Variants in GAD1 observed in about 807,000 individuals in gnomAD.
GAD1 encodes 67 kDa glutamic acid decarboxylase.
A neutral mutation model predicts 75.2 loss-of-function variants in GAD1; 35 were observed. The ratio of observed to expected loss-of-function variants is 0.47; its 90% CI spans 0.36 to 0.62. The LOEUF is 0.62. Ranked by LOEUF, GAD1 falls within the 20% of genes least tolerant of loss-of-function variation. The probability of loss-of-function intolerance (pLI) is 0.00; values close to 1 mark genes in which losing one functional copy is unlikely to be tolerated. For missense variants in GAD1, 490 were observed against 758.5 expected (o/e 0.65, Z 4.16); for synonymous variants, 257 against 271.9 (o/e 0.95, Z 0.54).
At chr2:170,828,950 C>T in intron 3 of GAD1, 1 of 227,238 alleles carries the variant, frequency 4.4e-6, no homozygotes, top group East Asian at 1.2e-4. Flanking sequence ...CTGTCCTCAC[C>T]TCTCCTCCCT....
chr2:170,823,927 G>T (rs1407311629), intron 3 of GAD1, among the ~76,000 whole-genome samples: 1 of 152,218 alleles, frequency 6.6e-6, no homozygotes, highest in African/African-American at 2.4e-5. Flanking sequence ...TCTGGCTGCA[G>T]GCGCTCCACT....
intron 14 of GAD1, among the ~76,000 whole-genome samples, chr2:170,855,940 T>C (rs1312563436): frequency 6.8e-6 from 1 of 146,962 alleles, no homozygotes; most frequent in African/African-American, 2.6e-5. Flanking sequence ...CATTTTGAAA[T>C]ATAATGACCA....
At chr2:170,837,523 T>C (rs181504308) in intron 6 of GAD1, among the ~76,000 whole-genome samples, 4 of 152,358 alleles carry the variant, frequency 2.6e-5, no homozygotes, top group Admixed American at 6.5e-5. Context: ...GGTAGTCTTA[T>C]AGCAATCATC....
At chr2:170,842,498 G>A in intron 6 of GAD1, 1 of 1,323,076 alleles carries the variant, frequency 7.6e-7, no homozygotes, top group South Asian at 1.2e-5. Context: ...AGCCCATCAT[G>A]AGTTTGCCTC....
At chr2:170,858,556 T>G (rs41464547) in intron 15 of GAD1, among the ~76,000 whole-genome samples, 4,891 of 152,300 alleles carry the variant, frequency 0.032, 104 homozygotes, top group East Asian at 0.074. Context: ...TTTGTAACAT[T>G]TCAATGTTTA....
chr2:170,826,293 G>A lies in GAD1; in HGVS notation c.146-3182G>A, dbSNP rs180749139. ...TTAAAGCCGTGTCGTAGGGCCGGGC[G>A]CAGTGGCTCGCACCTGTAATCCCAG... On this transcript the variant is annotated intron_variant, in intron 3 of 16. Transcript: ENST00000358196. Among the ~76,000 whole-genome samples the A allele has an allele frequency of 2.4e-3, 364 of 152,184 alleles. 1 individual carries two copies. The highest frequency in any genetic ancestry group is 5.8e-3 in the African/African-American group (241 of 41,530).
intron 12 of GAD1, among the ~76,000 whole-genome samples, chr2:170,851,585 C>T (rs1702744206): frequency 6.6e-6 from 1 of 152,186 alleles, no homozygotes. Flanking sequence ...AAGGGTTTAG[C>T]TCTAGGGAGA....
At chr2:170,843,781 A>T in intron 6 of GAD1, 1 of 471,980 alleles carries the variant, frequency 2.1e-6, no homozygotes, top group Non-Finnish European at 3.9e-6. Context: ...CATGCCTAAG[A>T]CATTCCATTC....
At chr2:170,854,965 T>G (rs1486493547) in intron 14 of GAD1, among the ~76,000 whole-genome samples, 3 of 152,230 alleles carry the variant, frequency 2.0e-5, no homozygotes, top group Non-Finnish European at 2.9e-5. Context: ...GATTACCATT[T>G]GATTATTTGT....
chr2:170,858,322 G>T (rs1307363449), intron 15 of GAD1, among the ~76,000 whole-genome samples: 1 of 151,798 alleles, frequency 6.6e-6, no homozygotes, highest in South Asian at 2.1e-4. Flanking sequence ...CAGTCTTTTG[G>T]TTTTTTTTAG....
intron 14 of GAD1, among the ~76,000 whole-genome samples, chr2:170,856,208 C>T (rs1037709616): frequency 6.6e-6 from 1 of 152,224 alleles, no homozygotes; most frequent in African/African-American, 2.4e-5. Context: ...TCCTTGTTAA[C>T]ACCGACCCAC....
At chr2:170,819,285 C>G (rs965753239) in intron 2 of GAD1, among the ~76,000 whole-genome samples, 2 of 98,514 alleles carry the variant, frequency 2.0e-5, no homozygotes, top group Admixed American at 2.7e-4. Context: ...TTAATTACAT[C>G]TCAGAGAAAT....
chr2:170,836,838 T>C lies in GAD1; in HGVS notation c.593T>C (p.Ile198Thr). The C allele has an allele frequency of 1.2e-6, 2 of 1,614,110 alleles. No individual in the cohort carries two copies. Among genetic ancestry groups the C allele is most frequent in the South Asian group, 1.1e-5 (1 of 91,066 alleles). ...CAGCTCTCCACTGGATTGGATATTA[T>C]TGGCCTAGCTGGAGAATGGCTGACA... ...FNQLSTGLDI[I>T]GLAGEWLTST... is the part of the protein sequence containing the mutation. Residue 198 changes from isoleucine to threonine, a missense_variant, in exon 6 of 17, where the codon ATT becomes ACT. Transcript: ENST00000358196.
At chr2:170,852,942 C>G in intron 13 of GAD1, 150 bp downstream of exon 13, 2 of 728,782 alleles carry the variant, frequency 2.7e-6, no homozygotes, top group Non-Finnish European at 5.0e-6. Context: ...CTTTCCTGCC[C>G]TTGCAGCTAA....
intron 2 of GAD1, among the ~76,000 whole-genome samples, chr2:170,819,990 A>G (rs569763781): frequency 2.0e-5 from 3 of 152,226 alleles, no homozygotes; most frequent in African/African-American, 4.8e-5. Flanking sequence ...TACCCACACA[A>G]CAAAGAGGGC....
At chr2:170,817,672 T>C (rs550600858) in intron 1 of GAD1, 380 of 152,512 alleles carry the variant, frequency 2.5e-3, no homozygotes, top group Non-Finnish European at 3.9e-3. Context: ...TCCTGCGCGC[T>C]GCGCGCAAGT....
At chr2:170,844,407 C>CTTT (rs11327360) in intron 7 of GAD1, among the ~76,000 whole-genome samples, 12 of 124,508 alleles carry the variant, frequency 9.6e-5, no homozygotes, top group African/African-American at 2.6e-4. Flanking sequence ...TTTCTTTTTT[C>CTTT]TTTTTTTTTT....
At position 170,848,817 on chromosome 2, in the gene GAD1, G is replaced by T. The variant is rs561340243; in HGVS notation, c.1120-469G>T. 3.5e-4 allele frequency: 184 copies of T among 519,282 alleles called. 2 individuals are homozygous for T. The highest frequency in any genetic ancestry group is 2.4e-3 in the South Asian group (173 of 71,484). 32.2% of individuals were successfully genotyped at this position (519,282 alleles called of 1,614,324 possible). On this transcript the variant is annotated intron_variant, in intron 11 of 16. Coordinates refer to ENST00000358196, the MANE Select transcript of GAD1 (RefSeq NM_000817.3). ...ATGGTACCCACAAAAATGTCTTGTT[G>T]TTACATAAGTTGTTGTGAGACCTCC...
At chr2:170,835,811 G>A (rs973883578) in intron 5 of GAD1, among the ~76,000 whole-genome samples, 3 of 152,078 alleles carry the variant, frequency 2.0e-5, no homozygotes, top group African/African-American at 7.2e-5. Context: ...AGATTCTGTT[G>A]GCAATGAGCA....
Sources: allele counts gnomAD v4.1 joint callset (sites outside exome capture counted in the v4.1 genomes callset), GRCh38; gene constraint gnomAD v4.1.1; transcripts MANE v1.5; gene names NCBI Gene and HGNC (gene_info 2026-07-23, HGNC 2026-07-21).